GPN1: variants seen among roughly 807,000 people sequenced by gnomAD.
GPN1 encodes the protein GPN-loop GTPase 1, also known as ATP(GTP)-binding protein.
In GPN1, 44 loss-of-function variants were observed where a neutral mutation model predicts 55.9. The observed-to-expected ratio is 0.79, with a 90% CI of 0.62 to 1.01. The LOEUF (loss-of-function observed/expected upper bound fraction) is 1.01, where lower values mean the gene tolerates loss of function less well. Among genes scored for constraint, GPN1 ranks in the 50% least tolerant of loss-of-function variants. GPN1 has a pLI of 0.00. For missense variants in GPN1, 466 were observed against 462.8 expected, an observed-to-expected ratio of 1.01 and a Z score of -0.06; for synonymous variants, 179 against 162.5, an observed-to-expected ratio of 1.10 and a Z score of -0.77.
intron 10 of GPN1, 146 bp from the exon 11 acceptor site, chr2:27,641,094 A>G (rs1673929539): frequency 3.3e-6 from 2 of 607,954 alleles, no homozygotes; most frequent in African/African-American, 1.9e-5. Flanking sequence ...AGACTCTGTC[A>G]GTGACTAAGA....
Position 27,634,227 on chromosome 2 carries a change from C to A in GPN1, c.351-619C>A, listed in dbSNP as rs572964427. Among the ~76,000 whole-genome samples, 67 of 152,140 alleles carry A rather than the reference C, an allele frequency of 4.4e-4. 1 individual carries two copies. Among genetic ancestry groups the A allele is most frequent in the East Asian group, 2.1e-3 (11 of 5,190 alleles). On this transcript the variant is annotated intron_variant, in intron 5 of 13. Coordinates refer to ENST00000610189, the MANE Select transcript of GPN1 (RefSeq NM_007266.4). ...ATTTAGAGAAATGTCTATTAGAATTCTTTGCCAATTAAAAAAATTCTGATA... is the reference window on the plus strand; with the variant it reads ...ATTTAGAGAAATGTCTATTAGAATTATTTGCCAATTAAAAAAATTCTGATA...
At chr2:27,638,844 G>T (rs1673833442) in intron 8 of GPN1, 41 bp from the exon 9 acceptor site, 1 of 1,555,968 alleles carries the variant, frequency 6.4e-7, no homozygotes, top group South Asian at 1.2e-5. Context: ...TTTTGCGTTT[G>T]TTGGCTCTGG....
Position 27,641,147 on chromosome 2 carries a change from T to C in GPN1, c.801-93T>C, listed in dbSNP as rs866997375. The C allele has an allele frequency of 2.2e-5, 17 of 787,028 alleles. No homozygotes were observed. The Admixed American group carries it at 3.2e-4, about 15-fold the overall frequency. 48.8% of individuals were successfully genotyped at this position (787,028 alleles called of 1,614,324 possible). A position where few individuals can be genotyped will look rare whatever the true frequency, so the allele number is the denominator to read the frequency against. ...TGAATGAAGTCAGATGTTTTATTAT[T>C]GTCAGTCTTAGGAAAATAGAGATAA... On this transcript the variant is annotated intron_variant, in intron 10 of 13. Coordinates refer to ENST00000610189, the MANE Select transcript of GPN1 (RefSeq NM_007266.4).
At chr2:27,634,964 G>A (rs1673676041) in intron 6 of GPN1, 40 bp downstream of exon 6, 1 of 1,181,360 alleles carries the variant, frequency 8.5e-7, no homozygotes, top group African/African-American at 1.5e-5. Flanking sequence ...TAGCTAGAGG[G>A]GCTAGACTGG....
intron 3 of GPN1, 124 bp downstream of exon 3, chr2:27,631,190 T>C (rs1171104944): frequency 1.5e-5 from 10 of 663,254 alleles, no homozygotes. Flanking sequence ...TGGAAGCTGA[T>C]TGTGGGAGAG....
At chr2:27,636,553 G>GCACT (rs893224182) in intron 7 of GPN1, among the ~76,000 whole-genome samples, 17 of 151,938 alleles carry the variant, frequency 1.1e-4, no homozygotes, top group African/African-American at 3.4e-4. Flanking sequence ...GGAGTACAGT[G>GCACT]GCACAATCTC....
chr2:27,641,397 GT>G (rs892367880), intron 11 of GPN1, 118 bp downstream of exon 11: 30 of 645,524 alleles, frequency 4.6e-5, no homozygotes, highest in Admixed American at 2.4e-4. Flanking sequence ...AATTAAAAAA[GT>G]TTTTTTTGTA....
At chr2:27,632,031 TCAGA>T (rs1673576707) in intron 4 of GPN1, 131 bp downstream of exon 4, 1 of 678,004 alleles carries the variant, frequency 1.5e-6, no homozygotes, top group African/African-American at 1.8e-5. Flanking sequence ...AGGCATTTTG[TCAGA>T]CAGAGAAGTA....
At chr2:27,648,159 T>C (rs936553720) in intron 13 of GPN1, among the ~76,000 whole-genome samples, 8 of 152,218 alleles carry the variant, frequency 5.3e-5, no homozygotes, top group African/African-American at 9.6e-5. Context: ...TGTCTTCTTA[T>C]CTTTAGGTCC....
chr2:27,650,261 G>C lies in GPN1; in HGVS notation c.*61G>C, dbSNP rs1674464211. On this transcript the variant is annotated 3_prime_UTR_variant, in exon 14 of 14. Coordinates refer to ENST00000610189, the MANE Select transcript of GPN1 (RefSeq NM_007266.4). The stretch of plus-strand genomic sequence containing the variant: ...CAGAATTTTGGACCTCCACGTGAAA[G>C]AACTGTTCTTACCTCTGAACTGGGG... The C allele has an allele frequency of 3.2e-6, 3 of 948,386 alleles. No homozygotes were observed. The highest frequency in any genetic ancestry group is 1.8e-5 in the Admixed American group (1 of 56,142). The allele number at this position is 948,386 out of a possible 1,614,324, so 58.7% of individuals were successfully genotyped here. A position where few individuals can be genotyped will look rare whatever the true frequency, so the allele number is the denominator to read the frequency against.
At chr2:27,648,264 A>T (rs1674341923) in intron 13 of GPN1, among the ~76,000 whole-genome samples, 1 of 152,180 alleles carries the variant, frequency 6.6e-6, no homozygotes, top group Non-Finnish European at 1.5e-5. Context: ...TCATGCCTGT[A>T]ATCCCACTGC....
chr2:27,641,429 G>A (rs1024868017), intron 11 of GPN1, 150 bp downstream of exon 11: 1 of 549,286 alleles, frequency 1.8e-6, no homozygotes, highest in Non-Finnish European at 3.2e-6. Context: ...GGTACAAGTG[G>A]CTAATGAAAT....
At chr2:27,639,067 C>T (rs954168876) in intron 9 of GPN1, 36 bp downstream of exon 9, 1 of 1,533,218 alleles carries the variant, frequency 6.5e-7, no homozygotes, top group Admixed American at 1.9e-5. Context: ...GACAGCCTCT[C>T]CAGATAATCT....
At position 27,632,556 on chromosome 2, in the gene GPN1, G is replaced by A. The variant is rs1337336856; in HGVS notation, c.313-77G>A. 3.2e-6 allele frequency: 3 copies of A among 940,426 alleles called. No individual in the cohort carries two copies. The Admixed American group carries it at 5.1e-5, about 16-fold the overall frequency. 58.3% of individuals were successfully genotyped at this position (940,426 alleles called of 1,614,324 possible). A position where few individuals can be genotyped will look rare whatever the true frequency, so the allele number is the denominator to read the frequency against. Reference sequence around the variant, plus strand: ...TTCAGTAGGTGATAGTGCCTGTGAGGTATGCCACCCTGGAGAGGGCTCTGT... The same window carrying A: ...TTCAGTAGGTGATAGTGCCTGTGAGATATGCCACCCTGGAGAGGGCTCTGT... On this transcript the variant is annotated intron_variant, in intron 4 of 13. Transcript: ENST00000610189.
At chr2:27,645,347 A>G (rs1208649715) in intron 12 of GPN1, among the ~76,000 whole-genome samples, 3 of 152,006 alleles carry the variant, frequency 2.0e-5, no homozygotes, top group African/African-American at 4.8e-5. Context: ...TGTTTTAATT[A>G]TGTAATTATG....
intron 7 of GPN1, among the ~76,000 whole-genome samples, chr2:27,637,208 A>G (rs954514107): frequency 1.3e-5 from 2 of 152,210 alleles, no homozygotes; most frequent in South Asian, 2.1e-4. Context: ...TATTATATGT[A>G]TTATATGCTG....
intron 13 of GPN1, among the ~76,000 whole-genome samples, chr2:27,648,966 C>G (rs935294353): frequency 6.6e-6 from 1 of 151,114 alleles, no homozygotes; most frequent in South Asian, 2.1e-4. Flanking sequence ...AACCATAGGC[C>G]GGGCACGGTG....
chr2:27,646,404 G>C (rs773302982), intron 12 of GPN1, among the ~76,000 whole-genome samples: 3 of 152,142 alleles, frequency 2.0e-5, no homozygotes, highest in Non-Finnish European at 2.9e-5. Flanking sequence ...GGGATTTTCT[G>C]GACCGTTACA....
At chr2:27,635,301 T>A in intron 7 of GPN1, 67 bp downstream of exon 7, 1 of 260,654 alleles carries the variant, frequency 3.8e-6, no homozygotes, top group Non-Finnish European at 7.0e-6. Context: ...CTTCTTCCTC[T>A]TTTTTTTTTT....
Sources: allele counts gnomAD v4.1 joint callset (sites outside exome capture counted in the v4.1 genomes callset), GRCh38; gene constraint gnomAD v4.1.1; transcripts MANE v1.5; gene names NCBI Gene and HGNC (gene_info 2026-07-23, HGNC 2026-07-21).